Variants in FSTL4 observed in about 807,000 individuals in gnomAD.
The protein encoded by FSTL4 is follistatin like 4, also known as follistatin-related protein 4.
FSTL4 carries 28 observed loss-of-function variants against 78.2 expected under a neutral mutation model. The observed-to-expected ratio is 0.36, with a 90% CI of 0.27 to 0.49. The LOEUF is 0.49. Among genes scored for constraint, FSTL4 ranks in the 20% least tolerant of loss-of-function variants. FSTL4 has a pLI of 0.98. For synonymous variants in FSTL4, 422 were observed against 440.5 expected, an observed-to-expected ratio of 0.96 and a Z score of 0.53; for missense variants, 922 against 1,084.9, an observed-to-expected ratio of 0.85 and a Z score of 2.11.
At chr5:133,547,623 C>T (rs1348620526) in intron 3 of FSTL4, among the ~76,000 whole-genome samples, 1 of 152,084 alleles carries the variant, frequency 6.6e-6, no homozygotes, top group Non-Finnish European at 1.5e-5. Context: ...GGGAGTCCTC[C>T]CCTTCATGGG....
intron 4 of FSTL4, among the ~76,000 whole-genome samples, chr5:133,321,806 T>A (rs1054265374): frequency 2.0e-5 from 3 of 152,214 alleles, no homozygotes; most frequent in Admixed American, 6.5e-5. Flanking sequence ...AAAGGTGGGA[T>A]GCTTGCATAT....
chr5:133,624,531 G>A, the FSTL4 span, among the ~76,000 whole-genome samples: 4 of 151,728 alleles, frequency 2.6e-5, no homozygotes, highest in South Asian at 6.2e-4. Flanking sequence ...GCGCAACATC[G>A]TGAATATGCT....
the FSTL4 span, among the ~76,000 whole-genome samples, chr5:133,725,162 GTTC>G: frequency 2.6e-5 from 4 of 152,102 alleles, no homozygotes; most frequent in Admixed American, 2.0e-4. Flanking sequence ...CTCCAACACT[GTTC>G]TTCTTTTTTA....
chr5:133,572,400 T>A (rs1379681966), intron 2 of FSTL4, among the ~76,000 whole-genome samples: 1 of 151,954 alleles, frequency 6.6e-6, no homozygotes, highest in African/African-American at 2.4e-5. Flanking sequence ...ATCTTTAAAA[T>A]TTGAAAAAAA....
the FSTL4 span, among the ~76,000 whole-genome samples, chr5:133,811,782 C>T: frequency 6.6e-6 from 1 of 152,214 alleles, no homozygotes; most frequent in African/African-American, 2.4e-5. Context: ...GGGAGCCCAT[C>T]CAGATCTGCA....
At chr5:133,394,410 T>C (rs1755943154) in intron 4 of FSTL4, among the ~76,000 whole-genome samples, 1 of 152,138 alleles carries the variant, frequency 6.6e-6, no homozygotes, top group African/African-American at 2.4e-5. Context: ...CAGCCTGAGT[T>C]CCAGGTGGGC....
chr5:133,791,915 C>G, the FSTL4 span, among the ~76,000 whole-genome samples: 1 of 152,228 alleles, frequency 6.6e-6, no homozygotes, highest in Non-Finnish European at 1.5e-5. Context: ...GCATTTTGCT[C>G]CTCTCAATCT....
At chr5:133,462,074 T>G (rs1361896971) in intron 3 of FSTL4, among the ~76,000 whole-genome samples, 1 of 152,190 alleles carries the variant, frequency 6.6e-6, no homozygotes, top group Non-Finnish European at 1.5e-5. Flanking sequence ...TGACCTCACC[T>G]GAGTCCATCA....
intron 3 of FSTL4, among the ~76,000 whole-genome samples, chr5:133,560,950 A>G (rs1034332845): frequency 6.6e-6 from 1 of 151,202 alleles, no homozygotes; most frequent in Non-Finnish European, 1.5e-5. Flanking sequence ...TTAGCCGGGC[A>G]TGGTGGTGGG....
At chr5:133,602,178 T>C (rs1374829474) in intron 2 of FSTL4, among the ~76,000 whole-genome samples, 2 of 152,186 alleles carry the variant, frequency 1.3e-5, no homozygotes, top group Non-Finnish European at 2.9e-5. Context: ...TGGTGCAGAA[T>C]CTACACAGTC....
At position 133,514,110 on chromosome 5, in the gene FSTL4, C is replaced by T. The variant is rs576550249; in HGVS notation, c.160+53076G>A. ...AGGAGAATGGCGTGAATCCGGGAAG[C>T]GGAGCTTGCAATGAGCCGAGATCGA... On this transcript the variant is annotated intron_variant, in intron 3 of 15. Coordinates refer to ENST00000265342, the MANE Select transcript of FSTL4 (RefSeq NM_015082.2). Among the ~76,000 whole-genome samples the T allele has an allele frequency of 3.7e-3, 563 of 151,180 alleles. 6 individuals are homozygous for T. The highest frequency in any genetic ancestry group is 0.013 in the African/African-American group (538 of 41,270).
chr5:133,204,356 G>GTGT (rs1750424647), intron 14 of FSTL4, among the ~76,000 whole-genome samples: 1 of 152,192 alleles, frequency 6.6e-6, no homozygotes, highest in Non-Finnish European at 1.5e-5. Context: ...AAATCCTTCA[G>GTGT]TGTTGGATAT....
At chr5:133,461,592 T>C (rs1757593563) in intron 3 of FSTL4, among the ~76,000 whole-genome samples, 1 of 152,080 alleles carries the variant, frequency 6.6e-6, no homozygotes, top group Non-Finnish European at 1.5e-5. Flanking sequence ...GCAAAGAAAT[T>C]CTACGGAAGT....
chr5:133,555,252 T>A (rs1377402030), intron 3 of FSTL4, among the ~76,000 whole-genome samples: 1 of 152,260 alleles, frequency 6.6e-6, no homozygotes, highest in Non-Finnish European at 1.5e-5. Context: ...TACAATAATT[T>A]ATTTTTAAAA....
intron 14 of FSTL4, among the ~76,000 whole-genome samples, chr5:133,205,010 A>G (rs1043222917): frequency 3.9e-5 from 6 of 151,932 alleles, no homozygotes; most frequent in Non-Finnish European, 8.8e-5. Flanking sequence ...TTTTTTTGTG[A>G]TAATGCATAT....
chr5:133,259,739 A>G (rs1752473602), intron 6 of FSTL4, among the ~76,000 whole-genome samples: 1 of 152,002 alleles, frequency 6.6e-6, no homozygotes, highest in Admixed American at 6.5e-5. Flanking sequence ...GTAGTTCAGG[A>G]GAGAGACAGG....
chr5:133,567,467 A>G (rs2112944288), intron 2 of FSTL4, among the ~76,000 whole-genome samples: 1 of 152,366 alleles, frequency 6.6e-6, no homozygotes, highest in Admixed American at 6.5e-5. Flanking sequence ...AGCACAGCTC[A>G]TTCTCAGGGC....
the FSTL4 span, among the ~76,000 whole-genome samples, chr5:133,801,064 G>T: frequency 6.6e-5 from 10 of 152,092 alleles, no homozygotes; most frequent in African/African-American, 2.4e-4. Context: ...TCGCAGGCAG[G>T]TTGTCGCCTT....
the FSTL4 span, among the ~76,000 whole-genome samples, chr5:133,729,953 A>G: frequency 6.6e-6 from 1 of 152,078 alleles, no homozygotes; most frequent in South Asian, 2.1e-4. Context: ...CTCATTCTGG[A>G]CTCACCAAAC....
Sources: allele counts gnomAD v4.1 joint callset (sites outside exome capture counted in the v4.1 genomes callset), GRCh38; gene constraint gnomAD v4.1.1; transcripts MANE v1.5; gene names NCBI Gene and HGNC (gene_info 2026-07-23, HGNC 2026-07-21).